Variants in CACNA2D3 observed in about 807,000 individuals in gnomAD.
The protein encoded by CACNA2D3 is calcium voltage-gated channel auxiliary subunit alpha2delta 3, also known as voltage-dependent calcium channel subunit alpha-2/delta-3.
A neutral mutation model predicts 160.6 loss-of-function variants in CACNA2D3; 60 were observed. That is an observed-to-expected ratio of 0.37 (90% confidence interval 0.30 to 0.46). The LOEUF is 0.46. CACNA2D3 is among the 20% of genes least tolerant of loss of function. CACNA2D3 has a pLI of 1.00. For synonymous variants in CACNA2D3, 558 were observed against 492.9 expected, an observed-to-expected ratio of 1.13 and a Z score of -1.75; for missense variants, 1,205 against 1,365.0, an observed-to-expected ratio of 0.88 and a Z score of 1.85.
chr3:54,628,708 G>A (rs904690002), intron 10 of CACNA2D3, among the ~76,000 whole-genome samples: 4 of 152,166 alleles, frequency 2.6e-5, no homozygotes, highest in African/African-American at 9.7e-5. Flanking sequence ...TTTAATTCGG[G>A]CAATTGATGG....
At chr3:54,198,593 C>A (rs1701122514) in intron 2 of CACNA2D3, among the ~76,000 whole-genome samples, 1 of 152,238 alleles carries the variant, frequency 6.6e-6, no homozygotes, top group South Asian at 2.1e-4. Flanking sequence ...CATCAAATGG[C>A]TTTGTTCTCC....
intron 10 of CACNA2D3, among the ~76,000 whole-genome samples, chr3:54,640,318 T>A (rs950608665): frequency 4.6e-5 from 7 of 152,224 alleles, no homozygotes; most frequent in Non-Finnish European, 1.0e-4. Flanking sequence ...ACTTTGCAGA[T>A]TTTAATAGAG....
chr3:54,991,471 A>C lies in CACNA2D3; in HGVS notation c.2690+3718A>C, dbSNP rs952143987. 9.2e-5 allele frequency among the ~76,000 whole-genome samples: 14 copies of C among 151,992 alleles called. No individual in the cohort carries two copies. In the East Asian group the frequency reaches 2.7e-3, roughly 29 times the overall value. On this transcript the variant is annotated intron_variant, in intron 31 of 37. Coordinates refer to ENST00000474759, the MANE Select transcript of CACNA2D3 (RefSeq NM_018398.3). ...CTCCTGACCTCAGGTGATCCCCCCA[A>C]CTTGGCCTCCCAAAGTGCTAGGATT...
At chr3:55,055,530 G>A (rs954877190) in intron 35 of CACNA2D3, among the ~76,000 whole-genome samples, 1 of 151,948 alleles carries the variant, frequency 6.6e-6, no homozygotes, top group Non-Finnish European at 1.5e-5. Context: ...TGGCTGTTAG[G>A]GACTTGTGGT....
At chr3:54,822,770 CTTT>C (rs1433697677) in intron 14 of CACNA2D3, among the ~76,000 whole-genome samples, 15 of 88,758 alleles carry the variant, frequency 1.7e-4, no homozygotes, top group South Asian at 4.0e-4. Flanking sequence ...TTCTTTCTTT[CTTT>C]CTTTCTTTCT....
At position 54,703,256 on chromosome 3, in the gene CACNA2D3, TA is replaced by T. The variant is rs1348446130; in HGVS notation, c.1168-49336del. 2.6e-5 allele frequency among the ~76,000 whole-genome samples: 4 copies of T among 152,148 alleles called. No individual in the cohort carries two copies. In the East Asian group the frequency reaches 7.7e-4, roughly 29 times the overall value. On this transcript the variant is annotated intron_variant, in intron 11 of 37. Coordinates refer to ENST00000474759, the MANE Select transcript of CACNA2D3 (RefSeq NM_018398.3). Reference sequence around the variant, plus strand: ...TAAAAGTTGGAAGAAAAAAAAAGGATAAAAAAATAAATAAAAGTTTTAGGTT... The same window carrying T: ...TAAAAGTTGGAAGAAAAAAAAAGGATAAAAAATAAATAAAAGTTTTAGGTT...
intron 2 of CACNA2D3, among the ~76,000 whole-genome samples, chr3:54,134,693 T>G (rs562568773): frequency 9.5e-4 from 145 of 152,338 alleles, no homozygotes; most frequent in African/African-American, 3.3e-3. Context: ...CCACAACCCT[T>G]GCAGTGCCAG....
chr3:54,404,540 G>A (rs1699535896), intron 4 of CACNA2D3, among the ~76,000 whole-genome samples: 1 of 152,086 alleles, frequency 6.6e-6, no homozygotes, highest in South Asian at 2.1e-4. Context: ...TCAATGAGGA[G>A]AAACTGAAAG....
At chr3:54,924,548 G>A (rs1473785764) in intron 27 of CACNA2D3, 28 of 1,255,920 alleles carry the variant, frequency 2.2e-5, no homozygotes, top group Non-Finnish European at 2.9e-5. Flanking sequence ...TCTTTCTAAT[G>A]CAGAGAACAG....
chr3:54,540,816 T>G (rs1029046144), intron 5 of CACNA2D3, among the ~76,000 whole-genome samples: 5 of 152,142 alleles, frequency 3.3e-5, no homozygotes, highest in African/African-American at 4.8e-5. Flanking sequence ...TGGGGATTAT[T>G]GTAGGTATCC....
At chr3:54,178,026 C>T (rs1700708281) in intron 2 of CACNA2D3, 1 of 152,118 alleles carries the variant, frequency 6.6e-6, no homozygotes, top group African/African-American at 2.4e-5. Context: ...AAGGCTGGCT[C>T]CTGATCCTCA....
At chr3:54,576,760 T>C (rs1332563320) in intron 8 of CACNA2D3, among the ~76,000 whole-genome samples, 1 of 152,110 alleles carries the variant, frequency 6.6e-6, no homozygotes, top group Non-Finnish European at 1.5e-5. Context: ...CAGGGCCAGG[T>C]GCAGTGGCTC....
intron 31 of CACNA2D3, among the ~76,000 whole-genome samples, chr3:55,002,388 G>A (rs970492632): frequency 5.3e-5 from 8 of 152,214 alleles, no homozygotes; most frequent in African/African-American, 1.9e-4. Context: ...AGCCCTTGCA[G>A]GGGTACCTGT....
intron 6 of CACNA2D3, among the ~76,000 whole-genome samples, chr3:54,568,868 G>T (rs1702449491): frequency 6.6e-6 from 1 of 152,182 alleles, no homozygotes; most frequent in Non-Finnish European, 1.5e-5. Context: ...GCAGATGCCT[G>T]TTATTAGCCC....
In CACNA2D3 at chr3:54,618,377, A is replaced by ATATATATATG. The variant is rs1261954509; in HGVS notation, c.964-9410_964-9409insTATATATATG. On this transcript the variant is annotated intron_variant, in intron 9 of 37. Coordinates refer to ENST00000474759, the MANE Select transcript of CACNA2D3 (RefSeq NM_018398.3). The stretch of plus-strand genomic sequence containing the variant: ...CATATATATATATATATATATATGC[A>ATATATATATG]CACACACACACACACACACACACAC... 6.1e-3 allele frequency among the ~76,000 whole-genome samples: 748 copies of ATATATATATG among 121,886 alleles called. 5 individuals are homozygous for ATATATATATG. Among genetic ancestry groups the ATATATATATG allele is most frequent in the Non-Finnish European group, 9.6e-3 (551 of 57,168 alleles). 80.0% of individuals were successfully genotyped at this position (121,886 alleles called of 152,430 possible). A position where few individuals can be genotyped will look rare whatever the true frequency, so the allele number is the denominator to read the frequency against.
intron 3 of CACNA2D3, among the ~76,000 whole-genome samples, chr3:54,328,662 G>A (rs1678174276): frequency 6.6e-6 from 1 of 152,188 alleles, no homozygotes; most frequent in Non-Finnish European, 1.5e-5. Flanking sequence ...CAGGGTTTGA[G>A]GAAATTACAC....
intron 14 of CACNA2D3, 55 bp from the exon 15 acceptor site, chr3:54,837,104 C>T: frequency 6.6e-7 from 1 of 1,510,126 alleles, no homozygotes; most frequent in Non-Finnish European, 9.2e-7. Flanking sequence ...GGGTGGCCTC[C>T]AGAACTGTGG....
At position 55,048,914 on chromosome 3, in the gene CACNA2D3, T is replaced by C. The variant is rs1476166857; in HGVS notation, c.2988-24531T>C. Among the ~76,000 whole-genome samples the C allele has an allele frequency of 2.2e-5, 3 of 137,596 alleles. 1 individual carries two copies. Among genetic ancestry groups the C allele is most frequent in the Non-Finnish European group, 4.7e-5 (3 of 63,412 alleles). 90.3% of individuals were successfully genotyped at this position (137,596 alleles called of 152,430 possible). On this transcript the variant is annotated intron_variant, in intron 35 of 37. Transcript: ENST00000474759. Reference sequence around the variant, plus strand: ...TAGAGGTGTTTGTAGTATTCTCTGATGGTAGTTTGTATTTCTGTGGGATTG... The same window carrying C: ...TAGAGGTGTTTGTAGTATTCTCTGACGGTAGTTTGTATTTCTGTGGGATTG...
intron 4 of CACNA2D3, among the ~76,000 whole-genome samples, chr3:54,430,413 A>T (rs1699971822): frequency 6.6e-6 from 1 of 152,180 alleles, no homozygotes; most frequent in Non-Finnish European, 1.5e-5. Flanking sequence ...CTCTATGCGG[A>T]TATTATGAAG....
Sources: gnomAD v4.1 joint callset for allele counts (sites outside exome capture counted in the v4.1 genomes callset) on GRCh38, gnomAD v4.1.1 for gene constraint, MANE v1.5 for transcripts, NCBI Gene and HGNC (gene_info 2026-07-23, HGNC 2026-07-21) for gene names.